WDPCP: variants seen among roughly 807,000 people sequenced by gnomAD.
The protein encoded by WDPCP is WD repeat-containing and planar cell polarity effector protein fritz homolog.
A neutral mutation model predicts 93.1 loss-of-function variants in WDPCP; 71 were observed. That is an observed-to-expected ratio of 0.76 (90% CI 0.63 to 0.93). WDPCP has a LOEUF of 0.93. Among genes scored for constraint, WDPCP ranks in the 40% least tolerant of loss-of-function variants. WDPCP has a pLI of 0.00. For missense variants in WDPCP, 844 were observed against 887.4 expected (o/e 0.95, Z 0.62); for synonymous variants, 315 against 315.0 (o/e 1.00, Z 0.00).
chr2:63,194,941 T>G (rs1423303779), intron 14 of WDPCP, among the ~76,000 whole-genome samples: 1 of 152,144 alleles, frequency 6.6e-6, no homozygotes, highest in Non-Finnish European at 1.5e-5. Context: ...AATCAGATGG[T>G]TTTTTACATC....
rs147610887 is a variant in WDPCP, at chr2:63,382,802, A to G, written c.1436-708T>C. Among the ~76,000 whole-genome samples, 260 of 152,250 alleles carry G rather than the reference A, an allele frequency of 1.7e-3. 2 individuals carry two copies. The highest frequency in any genetic ancestry group is 5.8e-3 in the African/African-American group (240 of 41,562). Reference sequence around the variant, plus strand: ...AAACTTGTGCTATTAACAGGACTCAACTTGATAGGGAATCTGGGGAATTGC... The same window carrying G: ...AAACTTGTGCTATTAACAGGACTCAGCTTGATAGGGAATCTGGGGAATTGC... On this transcript the variant is annotated intron_variant, in intron 10 of 17. Transcript: ENST00000272321.
chr2:63,510,067 TC>T (rs1246490671), intron 1 of WDPCP, among the ~76,000 whole-genome samples: 6 of 151,874 alleles, frequency 4.0e-5, no homozygotes, highest in Admixed American at 2.6e-4. Context: ...AAGCAACTCC[TC>T]CCTCTCATTT....
At chr2:63,492,189 T>G (rs1361460622) in intron 2 of WDPCP, among the ~76,000 whole-genome samples, 1 of 152,088 alleles carries the variant, frequency 6.6e-6, no homozygotes, top group Non-Finnish European at 1.5e-5. Flanking sequence ...TAAATAATAT[T>G]CTTCTCCTAA....
intron 2 of WDPCP, among the ~76,000 whole-genome samples, chr2:63,491,984 A>G (rs1408024220): frequency 6.6e-6 from 1 of 152,132 alleles, no homozygotes; most frequent in Non-Finnish European, 1.5e-5. Flanking sequence ...TTATTCCTTT[A>G]TTGGCATCTT....
At chr2:63,604,729 G>A (rs1328712395) in intron 3 of WDPCP, 1 of 1,614,022 alleles carries the variant, frequency 6.2e-7, no homozygotes, top group East Asian at 2.2e-5. Flanking sequence ...TGCTAATGAT[G>A]TAAAGAATGT....
intron 14 of WDPCP, among the ~76,000 whole-genome samples, chr2:63,177,854 T>C (rs1673936830): frequency 6.6e-6 from 1 of 152,168 alleles, no homozygotes; most frequent in African/African-American, 2.4e-5. Flanking sequence ...ACCTGTGGTC[T>C]TTTCATGTAT....
chr2:63,461,171 C>T (rs1698982233), intron 6 of WDPCP, among the ~76,000 whole-genome samples: 1 of 151,312 alleles, frequency 6.6e-6, no homozygotes, highest in Non-Finnish European at 1.5e-5. Flanking sequence ...TTGACAGAAG[C>T]CTGGTGATAT....
chr2:63,207,700 T>C (rs1020730922), intron 14 of WDPCP, among the ~76,000 whole-genome samples: 10 of 152,334 alleles, frequency 6.6e-5, no homozygotes, highest in African/African-American at 2.4e-4. Context: ...AGAATATGTC[T>C]TGATGTCGAC....
chr2:63,564,101 A>C (rs2106430184), intron 1 of WDPCP: 1 of 152,332 alleles, frequency 6.6e-6, no homozygotes, highest in East Asian at 1.9e-4. Flanking sequence ...TCATGTTGCT[A>C]AACTTTGGTG....
chr2:63,835,866 ATTTTTT>A, the WDPCP span, among the ~76,000 whole-genome samples: 116 of 152,034 alleles, frequency 7.6e-4, no homozygotes, highest in African/African-American at 2.6e-3. Context: ...TTTTATTTTT[ATTTTTT>A]GAGACAAAGT....
intron 1 of WDPCP, among the ~76,000 whole-genome samples, chr2:63,553,112 T>G (rs1177499555): frequency 1.3e-5 from 2 of 152,236 alleles, no homozygotes; most frequent in Non-Finnish European, 2.9e-5. Flanking sequence ...AAGTGTTTAG[T>G]TCTCCCCACA....
At chr2:63,313,125 G>C in intron 13 of WDPCP, 123 bp downstream of exon 13, 1 of 857,444 alleles carries the variant, frequency 1.2e-6, no homozygotes, top group Non-Finnish European at 1.9e-6. Flanking sequence ...AGTCAAGATG[G>C]AATAATGCTT....
intron 13 of WDPCP, among the ~76,000 whole-genome samples, chr2:63,281,979 A>T (rs1444798250): frequency 6.6e-6 from 1 of 152,162 alleles, no homozygotes; most frequent in Non-Finnish European, 1.5e-5. Flanking sequence ...ATTGAAATAA[A>T]AAAAAAATAA....
In WDPCP at chr2:63,588,300, C is replaced by A. The variant is rs145123948; in HGVS notation, c.-29G>T. 84 of 1,562,230 alleles carry A rather than the reference C, an allele frequency of 5.4e-5. 1 individual carries two copies. In the East Asian group the frequency reaches 2.0e-3, roughly 38 times the overall value. On this transcript the variant is annotated 5_prime_UTR_variant, in exon 1 of 18. Coordinates refer to ENST00000272321, the MANE Select transcript of WDPCP (RefSeq NM_015910.7). ...CAGACACTACCCCGGGCAGAAGGTT[C>A]CTAGGCTAGGTCCTCGGACCCGAGA...
chr2:63,237,787 C>T (rs1679525425), intron 14 of WDPCP, among the ~76,000 whole-genome samples: 1 of 151,928 alleles, frequency 6.6e-6, no homozygotes, highest in Non-Finnish European at 1.5e-5. Context: ...TGGGTATACA[C>T]AGATGTAAAT....
chr2:63,327,539 C>T (rs1687649804), intron 12 of WDPCP, among the ~76,000 whole-genome samples: 1 of 152,160 alleles, frequency 6.6e-6, no homozygotes, highest in Non-Finnish European at 1.5e-5. Context: ...ACCCCCGAGG[C>T]CTAGACTTCC....
chr2:63,719,546 A>C (rs1481654177), intron 2 of WDPCP, among the ~76,000 whole-genome samples: 1 of 152,190 alleles, frequency 6.6e-6, no homozygotes, highest in East Asian at 1.9e-4. Context: ...TCAGAAACTG[A>C]TAGACAAAGT....
intron 15 of WDPCP, among the ~76,000 whole-genome samples, chr2:63,173,281 A>AG (rs1673544222): frequency 6.6e-6 from 1 of 151,776 alleles, no homozygotes; most frequent in Non-Finnish European, 1.5e-5. Context: ...AAAAAAAAAA[A>AG]AAAAGAAAAA....
chr2:63,769,673 A>G (rs1670197389), intron 2 of WDPCP, among the ~76,000 whole-genome samples: 1 of 151,948 alleles, frequency 6.6e-6, no homozygotes, highest in Admixed American at 6.6e-5. Flanking sequence ...GAGTTTGGTA[A>G]CTACTCTGAG....
Sources: allele counts gnomAD v4.1 joint callset (sites outside exome capture counted in the v4.1 genomes callset), GRCh38; gene constraint gnomAD v4.1.1; transcripts MANE v1.5; gene names NCBI Gene and HGNC (gene_info 2026-07-23, HGNC 2026-07-21).